Variants in RALYL observed in about 807,000 individuals in gnomAD.
RALYL encodes the protein RALY RNA binding protein like, also known as RNA-binding Raly-like protein.
In RALYL, 29 loss-of-function variants were observed where a neutral mutation model predicts 35.1. The ratio of observed to expected loss-of-function variants is 0.83; its 90% confidence interval spans 0.61 to 1.13. The LOEUF (loss-of-function observed/expected upper bound fraction) is 1.13. Among genes scored for constraint, RALYL ranks in the 50% most tolerant of loss-of-function variants. The probability of loss-of-function intolerance (pLI) is 0.00; values close to 1 mark genes in which losing one functional copy is unlikely to be tolerated. For synonymous variants in RALYL, 120 were observed against 127.6 expected (o/e 0.94, Z 0.40); for missense variants, 359 against 360.4 (o/e 1.00, Z 0.03).
chr8:84,571,313 G>A (rs889723684), intron 2 of RALYL, among the ~76,000 whole-genome samples: 2 of 151,162 alleles, frequency 1.3e-5, no homozygotes, highest in African/African-American at 4.9e-5. Flanking sequence ...GTCTATTAAG[G>A]GTATCTATTT....
intron 2 of RALYL, among the ~76,000 whole-genome samples, chr8:84,716,470 G>A (rs543900231): frequency 6.6e-6 from 1 of 152,226 alleles, no homozygotes; most frequent in South Asian, 2.1e-4. Flanking sequence ...TCACATGCTT[G>A]GCCTTCATAA....
At chr8:84,748,506 T>A (rs903417060) in intron 2 of RALYL, among the ~76,000 whole-genome samples, 1 of 152,060 alleles carries the variant, frequency 6.6e-6, no homozygotes, top group Non-Finnish European at 1.5e-5. Context: ...ATTCTGAAAT[T>A]CTTTGAGTTA....
chr8:84,532,752 A>G (rs577454810), intron 2 of RALYL, among the ~76,000 whole-genome samples: 24 of 152,204 alleles, frequency 1.6e-4, no homozygotes, highest in African/African-American at 5.3e-4. Context: ...TAAAATATTT[A>G]TATATGATTT....
chr8:84,669,778 A>G (rs1279085905), intron 2 of RALYL, among the ~76,000 whole-genome samples: 1 of 151,820 alleles, frequency 6.6e-6, no homozygotes, highest in Non-Finnish European at 1.5e-5. Context: ...GTGTGTCCCA[A>G]CTCCTGCCCT....
At chr8:84,650,836 T>A (rs62530166) in intron 2 of RALYL, among the ~76,000 whole-genome samples, 1 of 151,564 alleles carries the variant, frequency 6.6e-6, no homozygotes, top group Non-Finnish European at 1.5e-5. Context: ...TGTCCAACAA[T>A]GATAGACTGG....
chr8:84,249,986 A>T (rs536353725), intron 1 of RALYL, among the ~76,000 whole-genome samples: 23 of 152,122 alleles, frequency 1.5e-4, no homozygotes, highest in Non-Finnish European at 2.6e-4. Flanking sequence ...ATGTTCCAAA[A>T]TTTATAAAAA....
chr8:84,846,277 G>A (rs1317774262), intron 4 of RALYL, among the ~76,000 whole-genome samples: 1 of 152,156 alleles, frequency 6.6e-6, no homozygotes, highest in East Asian at 1.9e-4. Flanking sequence ...CCATGAACAA[G>A]GAGTGTTTTT....
chr8:84,668,145 T>C (rs1447816340), intron 2 of RALYL, among the ~76,000 whole-genome samples: 1 of 152,210 alleles, frequency 6.6e-6, no homozygotes, highest in Non-Finnish European at 1.5e-5. Flanking sequence ...CATGGGGTTC[T>C]GTGTCTGTCA....
intron 1 of RALYL, among the ~76,000 whole-genome samples, chr8:84,188,020 G>A (rs1439409420): frequency 1.3e-5 from 2 of 151,998 alleles, no homozygotes; most frequent in African/African-American, 4.8e-5. Context: ...TAGTAAGGAC[G>A]AATTTGAGAA....
chr8:84,742,483 AG>A (rs1320285094), intron 2 of RALYL, among the ~76,000 whole-genome samples: 1 of 152,022 alleles, frequency 6.6e-6, no homozygotes, highest in Admixed American at 6.6e-5. Flanking sequence ...AACCTGAAAA[AG>A]TTAACTATAT....
intron 1 of RALYL, among the ~76,000 whole-genome samples, chr8:84,195,996 A>G (rs1563512716): frequency 1.3e-5 from 2 of 152,264 alleles, no homozygotes; most frequent in Non-Finnish European, 2.9e-5. Flanking sequence ...AGATTACTCA[A>G]AACTTCAAAT....
At chr8:84,850,147 A>T (rs1835539499) in intron 5 of RALYL, 120 bp downstream of exon 5, 2 of 479,330 alleles carry the variant, frequency 4.2e-6, no homozygotes, top group Non-Finnish European at 7.2e-6. Context: ...ATAGTTAAAA[A>T]TAAAATACTA....
intron 3 of RALYL, among the ~76,000 whole-genome samples, 179 bp downstream of exon 3, chr8:84,774,833 T>A (rs1316996278): frequency 6.6e-6 from 1 of 152,244 alleles, no homozygotes; most frequent in African/African-American, 2.4e-5. Flanking sequence ...AGGATCTCAA[T>A]GCCTAACCTT....
At chr8:84,785,177 G>T (rs1819109449) in intron 3 of RALYL, among the ~76,000 whole-genome samples, 1 of 152,056 alleles carries the variant, frequency 6.6e-6, no homozygotes, top group Non-Finnish European at 1.5e-5. Flanking sequence ...ACCTGAGCAG[G>T]TCTGTTACCT....
chr8:84,686,271 TC>T lies in RALYL; in HGVS notation c.257-88307del, dbSNP rs1215453514. Among the ~76,000 whole-genome samples the T allele has an allele frequency of 1.1e-4, 17 of 151,948 alleles. 3 individuals are homozygous for T. The South Asian group carries it at 3.5e-3, about 32-fold the overall frequency. ...GCCTTCTAACATGAAAAGCTATATA[TC>T]AGCAGAAAAGAGGAAAGGGAACCAG... On this transcript the variant is annotated intron_variant, in intron 2 of 8. Coordinates refer to ENST00000521268, the MANE Select transcript of RALYL (RefSeq NM_173848.7).
In RALYL at chr8:84,598,255, A is replaced by G. The variant is rs557849247; in HGVS notation, c.256+68678A>G. On this transcript the variant is annotated intron_variant, in intron 2 of 8. Transcript: ENST00000521268. ...AGTCATAACTCTCACTGCAGCCTTG[A>G]ACTCCTGAGCTGAAGCAATCCTCCT... Among the ~76,000 whole-genome samples the G allele has an allele frequency of 4.6e-5, 7 of 152,066 alleles. No individual in the cohort carries two copies. The East Asian group carries it at 1.4e-3, about 29-fold the overall frequency.
chr8:84,415,183 G>A (rs1266454730), intron 1 of RALYL, among the ~76,000 whole-genome samples: 2 of 129,560 alleles, frequency 1.5e-5, no homozygotes, highest in Admixed American at 7.5e-5. Flanking sequence ...TTTAATGGAA[G>A]TTATTCTACT....
intron 2 of RALYL, among the ~76,000 whole-genome samples, chr8:84,651,042 AG>A (rs1588760034): frequency 1.3e-5 from 2 of 151,904 alleles, no homozygotes; most frequent in Admixed American, 1.3e-4. Flanking sequence ...GGACACAGGA[AG>A]GGGAACATCA....
At chr8:84,411,635 A>T (rs2044111920) in intron 1 of RALYL, among the ~76,000 whole-genome samples, 1 of 151,978 alleles carries the variant, frequency 6.6e-6, no homozygotes, top group Non-Finnish European at 1.5e-5. Flanking sequence ...TAAAGCACTT[A>T]ACAAAATATC....
Sources: allele counts gnomAD v4.1 joint callset (sites outside exome capture counted in the v4.1 genomes callset), GRCh38; gene constraint gnomAD v4.1.1; transcripts MANE v1.5; gene names NCBI Gene and HGNC (gene_info 2026-07-23, HGNC 2026-07-21).